The following E4F1 variants were observed in gnomAD, a reference collection of about 807,000 sequenced individuals.
E4F1 encodes transcription factor E4F1.
Under a neutral mutation model 72.9 loss-of-function variants are expected in E4F1, and 30 were observed. That is an observed-to-expected ratio of 0.41 (90% confidence interval 0.31 to 0.56). The LOEUF (loss-of-function observed/expected upper bound fraction) is 0.56, where lower values mean the gene tolerates loss of function less well. Among genes scored for constraint, E4F1 ranks in the 20% least tolerant of loss-of-function variants. E4F1 has a pLI of 0.25. For missense variants in E4F1, 1,091 were observed against 1,117.5 expected, an observed-to-expected ratio of 0.98 and a Z score of 0.34; for synonymous variants, 542 against 478.2, an observed-to-expected ratio of 1.13 and a Z score of -1.74.
At chr16:2,226,564 C>T (rs2093434033) in intron 1 of E4F1, among the ~76,000 whole-genome samples, 1 of 152,208 alleles carries the variant, frequency 6.6e-6, no homozygotes, top group Non-Finnish European at 1.5e-5. Flanking sequence ...GGCATCAGGC[C>T]TGGGTTTGAT....
At chr16:2,229,773 C>A in intron 3 of E4F1, 98 bp downstream of exon 3, 2 of 1,357,106 alleles carry the variant, frequency 1.5e-6, no homozygotes, top group Non-Finnish European at 2.1e-6. Context: ...CTCCCGAGAC[C>A]AGGGCCTGGC....
intron 1 of E4F1, among the ~76,000 whole-genome samples, chr16:2,224,299 T>C (rs30988): frequency 0.52 from 78,365 of 152,102 alleles, 20,539 homozygotes; most frequent in East Asian, 0.58. Context: ...CGCTTTCTAG[T>C]TCTTTGATCC....
At position 2,233,521 on chromosome 16, in the gene E4F1, C is replaced by T. The variant is rs774558148; in HGVS notation, c.1140C>T (p.Ile380=). The part of the protein sequence containing the change: ...LLHQAMQNSG[I]VLERAAGEEG... ...ACCAGGCCATGCAGAACTCCGGCAT[C>T]GTCCTTGAGCGCGCTGCTGGGGAGG... Residue 380 remains isoleucine, a synonymous_variant, in exon 8 of 14, where the codon ATC becomes ATT. Coordinates refer to ENST00000301727, the MANE Select transcript of E4F1 (RefSeq NM_004424.5). The T allele has an allele frequency of 5.9e-6, 9 of 1,517,728 alleles. No homozygotes were observed. Among genetic ancestry groups the T allele is most frequent in the East Asian group, 2.3e-5 (1 of 43,466 alleles). 94.0% of individuals were successfully genotyped at this position (1,517,728 alleles called of 1,614,324 possible). A position where few individuals can be genotyped will look rare whatever the true frequency, so the allele number is the denominator to read the frequency against.
In E4F1 at chr16:2,232,340, G is replaced by A. The variant is rs769735039; in HGVS notation, c.585G>A (p.Ala195=). The change falls in exon 4 of 14, where the codon GCG becomes GCA. Residue 195 remains alanine, a synonymous_variant. Transcript: ENST00000301727. ...ACAAGGATGGCCGCTATGTGTGTGC[G>A]CTGTGCCACAAGACCTTCAAGACGG... is the stretch of plus-strand genomic sequence containing the variant. ...LVNKDGRYVC[A]LCHKTFKTGS... 3.7e-6 allele frequency: 6 copies of A among 1,605,336 alleles called. No individual in the cohort carries two copies. The highest frequency in any genetic ancestry group is 2.7e-5 in the African/African-American group (2 of 74,760).
rs778961089 is a variant in E4F1 at position 2,223,634 on chromosome 16, G to A, written c.21G>A (p.Val7=). The A allele has an allele frequency of 1.3e-6, 2 of 1,589,956 alleles. No homozygotes were observed. Among genetic ancestry groups the A allele is most frequent in the Admixed American group, 3.4e-5 (2 of 58,612 alleles). Residue 7 remains valine (V), a synonymous_variant, in exon 1 of 14, where the codon GTG becomes GTA. Coordinates refer to ENST00000301727, the MANE Select transcript of E4F1 (RefSeq NM_004424.5). MEGAMA[V]RVTAAHTAEA... ...GCGACATGGAGGGCGCGATGGCAGT[G>A]CGGGTGACGGCCGCTCATACGGCAG... is the stretch of plus-strand genomic sequence containing the variant.
At chr16:2,233,714 CT>C in intron 8 of E4F1, 67 bp downstream of exon 8, 1 of 1,490,246 alleles carries the variant, frequency 6.7e-7, no homozygotes, top group South Asian at 1.2e-5. Flanking sequence ...CCACGCTGGC[CT>C]TCGCCTCCCT....
chr16:2,225,591 G>A (rs1376376305), intron 1 of E4F1, among the ~76,000 whole-genome samples: 25 of 150,652 alleles, frequency 1.7e-4, no homozygotes, highest in Non-Finnish European at 3.0e-5. Flanking sequence ...CTCCTGACTC[G>A]GCCTCCTGAG....
At chr16:2,223,856 C>T in intron 1 of E4F1, 86 bp downstream of exon 1, 1 of 1,531,204 alleles carries the variant, frequency 6.5e-7, no homozygotes, top group Middle Eastern at 1.7e-4. Context: ...GAGCTGCGGG[C>T]TCGACCGACC....
At chr16:2,234,495 C>T in intron 10 of E4F1, 88 bp from the exon 11 acceptor site, 1 of 1,558,474 alleles carries the variant, frequency 6.4e-7, no homozygotes, top group Non-Finnish European at 8.7e-7. Context: ...AGTCTTGACC[C>T]AGCCCCTCCC....
At chr16:2,233,233 G>C in intron 7 of E4F1, 50 bp downstream of exon 7, 2 of 1,547,780 alleles carry the variant, frequency 1.3e-6, no homozygotes, top group Non-Finnish European at 1.7e-6. Context: ...CTGCCTGCTC[G>C]GTGCCAGTCT....
chr16:2,232,673 CGG>C, intron 5 of E4F1, 81 bp from the exon 6 acceptor site: 1 of 1,604,872 alleles, frequency 6.2e-7, no homozygotes, highest in Non-Finnish European at 8.5e-7. Flanking sequence ...GGGGATGAGG[CGG>C]GGGCCCCTGC....
chr16:2,232,354 CCTT>C lies in E4F1; in HGVS notation c.601_603del (p.Phe201del), dbSNP rs1567301726. ...TATGTGTGTGCGCTGTGCCACAAGACCTTCAAGACGGTGAGCCGGCGTGCGGGG... is the reference window on the plus strand; with the variant it reads ...TATGTGTGTGCGCTGTGCCACAAGACCAAGACGGTGAGCCGGCGTGCGGGG... On this transcript the variant is annotated inframe_deletion, in exon 4 of 14. Coordinates refer to ENST00000301727, the MANE Select transcript of E4F1 (RefSeq NM_004424.5). 1 of 1,601,498 alleles carries C rather than the reference CCTT, an allele frequency of 6.2e-7. No homozygotes were observed. The highest frequency in any genetic ancestry group is 8.5e-7 in the Non-Finnish European group (1 of 1,172,228).
Position 2,223,635 on chromosome 16 carries a change from C to G in E4F1, c.22C>G (p.Arg8Gly), listed in dbSNP as rs746018946. 1.3e-5 allele frequency: 20 copies of G among 1,589,416 alleles called. No homozygotes were observed. Among genetic ancestry groups the G allele is most frequent in the Non-Finnish European group, 1.6e-5 (19 of 1,173,660 alleles). Residue 8 changes from arginine to glycine, a missense_variant, in exon 1 of 14, where the codon CGG (arginine) becomes GGG (glycine). By Grantham distance (125) the Arg-to-Gly change is moderately radical. Coordinates refer to ENST00000301727, the MANE Select transcript of E4F1 (RefSeq NM_004424.5). MEGAMAV[R>G]VTAAHTAEAQ... ...CGACATGGAGGGCGCGATGGCAGTG[C>G]GGGTGACGGCCGCTCATACGGCAGA...
Position 2,234,359 on chromosome 16 carries a change from C to T in E4F1, c.1564C>T (p.Pro522Ser). The change falls in exon 10 of 14, where the codon CCC becomes TCC. Residue 522 changes from proline (P) to serine (S), a missense_variant. Coordinates refer to ENST00000301727, the MANE Select transcript of E4F1 (RefSeq NM_004424.5). ...VHSDERPYPC[P>S]KCGKRYKTKN... Reference sequence around the variant, plus strand: ...CTCAGACGAGCGGCCCTACCCTTGTCCCAAGTGTGGCAAGCGCTACAAGAC... The same window carrying T: ...CTCAGACGAGCGGCCCTACCCTTGTTCCAAGTGTGGCAAGCGCTACAAGAC... 6.2e-7 allele frequency: 1 copy of T among 1,612,950 alleles called. No individual in the cohort carries two copies.
At position 2,235,696 on chromosome 16, in the gene E4F1, T is replaced by A; in HGVS notation, c.*124T>A. On this transcript the variant is annotated 3_prime_UTR_variant, in exon 14 of 14. Coordinates refer to ENST00000301727, the MANE Select transcript of E4F1 (RefSeq NM_004424.5). ...TGGAGGCGCCCCAAGACGGACAGTG[T>A]ACATAAGAGTTTCTTGTTGCTTTAC... is the stretch of plus-strand genomic sequence containing the variant. 1.3e-6 allele frequency: 1 copy of A among 760,848 alleles called. No homozygotes were observed. Among genetic ancestry groups the A allele is most frequent in the Non-Finnish European group, 2.1e-6 (1 of 487,104 alleles). The allele number at this position is 760,848 out of a possible 1,614,324, so 47.1% of individuals were successfully genotyped here.
At position 2,235,731 on chromosome 16, in the gene E4F1, T is replaced by G. The variant is rs189621252; in HGVS notation, c.*159T>G. On this transcript the variant is annotated 3_prime_UTR_variant, in exon 14 of 14. Transcript: ENST00000301727. ...TTTCTTGTTGCTTTACAATAAAACA[T>G]GAGAACCTGCAGCTTGTGATGTTGT... 1 of 654,234 alleles carries G rather than the reference T, an allele frequency of 1.5e-6. No homozygotes were observed. The highest frequency in any genetic ancestry group is 2.5e-6 in the Non-Finnish European group (1 of 399,132). 40.5% of individuals were successfully genotyped at this position (654,234 alleles called of 1,614,324 possible). A position where few individuals can be genotyped will look rare whatever the true frequency, so the allele number is the denominator to read the frequency against.
At position 2,234,765 on chromosome 16, in the gene E4F1, G is replaced by T. The variant is rs1408476558; in HGVS notation, c.1776G>T (p.Arg592=). 2.1e-6 allele frequency: 3 copies of T among 1,434,302 alleles called. No homozygotes were observed. The East Asian group carries it at 1.0e-4, about 48-fold the overall frequency. 88.8% of individuals were successfully genotyped at this position (1,434,302 alleles called of 1,614,324 possible). Reference sequence around the variant, plus strand: ...TCGCCGAGCACGGCACGCTGAACCGGCACCTGCGCACCAAAGGTCTGGGCC... The same window carrying T: ...TCGCCGAGCACGGCACGCTGAACCGTCACCTGCGCACCAAAGGTCTGGGCC... ...RGFAEHGTLN[R]HLRTKGGCLL... Residue 592 remains arginine, a synonymous_variant, in exon 11 of 14, where the codon CGG becomes CGT. Coordinates refer to ENST00000301727, the MANE Select transcript of E4F1 (RefSeq NM_004424.5).
At chr16:2,231,083 G>A (rs2093464813) in intron 3 of E4F1, 1 of 152,354 alleles carries the variant, frequency 6.6e-6, no homozygotes. Flanking sequence ...CCCTTGGCCA[G>A]TCAGCAGGCC....
At position 2,228,509 on chromosome 16, in the gene E4F1, T is replaced by C. The variant is rs756955653; in HGVS notation, c.295T>C (p.Leu99=). ...ALPATPATTA[L]LGQEVVPAAP... Reference sequence around the variant, plus strand: ...GCCTGCCACCCCTGCCACCACAGCGTTGCTGGGCCAGGAGGTGAGCCCTCA... The same window carrying C: ...GCCTGCCACCCCTGCCACCACAGCGCTGCTGGGCCAGGAGGTGAGCCCTCA... The change falls in exon 2 of 14, where the codon TTG becomes CTG. Residue 99 remains leucine (L), a synonymous_variant. Transcript: ENST00000301727. 6.2e-7 allele frequency: 1 copy of C among 1,612,756 alleles called. No individual in the cohort carries two copies. Among genetic ancestry groups the C allele is most frequent in the East Asian group, 2.2e-5 (1 of 44,878 alleles).
Sources: allele counts gnomAD v4.1 joint callset (sites outside exome capture counted in the v4.1 genomes callset), GRCh38; gene constraint gnomAD v4.1.1; transcripts MANE v1.5; gene names NCBI Gene and HGNC (gene_info 2026-07-23, HGNC 2026-07-21).